The following DRICH1 variants were observed in gnomAD, a reference collection of about 807,000 sequenced individuals.
DRICH1 encodes aspartate rich 1.
In DRICH1, 38 loss-of-function variants were observed where a neutral mutation model predicts 39.5. That is an observed-to-expected ratio of 0.96 (90% CI 0.74 to 1.26). DRICH1 has a LOEUF of 1.26. Ranked by LOEUF, DRICH1 falls within the 50% of genes most tolerant of loss-of-function variation. DRICH1 has a pLI of 0.00. For synonymous variants in DRICH1, 84 were observed against 99.5 expected (o/e 0.84, Z 0.93); for missense variants, 279 against 270.4 (o/e 1.03, Z -0.22).
chr22:23,593,534 C>T, the DRICH1 span, among the ~76,000 whole-genome samples: 2 of 152,224 alleles, frequency 1.3e-5, no homozygotes, highest in Non-Finnish European at 1.5e-5. Context: ...GGCACAGTGG[C>T]TCACGCCTGT....
chr22:23,618,750 A>G (rs1465786378), intron 6 of DRICH1, among the ~76,000 whole-genome samples: 5 of 152,254 alleles, frequency 3.3e-5, no homozygotes, highest in African/African-American at 7.2e-5. Context: ...GAGGAAATGT[A>G]TATCAATAGA....
chr22:23,632,763 AT>A (rs1921038427), upstream of DRICH1: 1 of 151,992 alleles, frequency 6.6e-6, no homozygotes, highest in Admixed American at 6.6e-5. Context: ...AATACAAAAT[AT>A]TAGCTCGGCC....
chr22:23,631,711 G>A (rs1202453393), intron 1 of DRICH1, 105 bp downstream of exon 1: 5 of 940,168 alleles, frequency 5.3e-6, no homozygotes, highest in Non-Finnish European at 8.3e-6. Context: ...CTATGGACAG[G>A]AGGGAGCTGG....
downstream of DRICH1, among the ~76,000 whole-genome samples, chr22:23,604,666 G>A (rs1391841123): frequency 2.0e-5 from 3 of 152,098 alleles, no homozygotes; most frequent in African/African-American, 7.2e-5. Context: ...CCCTCACCAC[G>A]GCCACTGCAG....
chr22:23,616,379 C>T (rs150590728), intron 8 of DRICH1, among the ~76,000 whole-genome samples: 113 of 152,270 alleles, frequency 7.4e-4, no homozygotes, highest in Non-Finnish European at 1.3e-3. Context: ...TACTTCTCAC[C>T]ATGATGACAT....
chr22:23,622,367 C>A (rs1389952347), intron 3 of DRICH1, among the ~76,000 whole-genome samples, 191 bp from the exon 4 acceptor site: 2 of 152,158 alleles, frequency 1.3e-5, no homozygotes, highest in Admixed American at 1.3e-4. Flanking sequence ...ACATGGAGGC[C>A]TTGGCCTTGT....
At chr22:23,582,612 C>T in the DRICH1 span, among the ~76,000 whole-genome samples, 8 of 141,192 alleles carry the variant, frequency 5.7e-5, no homozygotes. Context: ...GCTGCCCAGG[C>T]TGAAGTGCAA....
chr22:23,589,220 G>A, the DRICH1 span, among the ~76,000 whole-genome samples: 1 of 152,084 alleles, frequency 6.6e-6, no homozygotes, highest in African/African-American at 2.4e-5. Context: ...GGAGGCCAAG[G>A]TGGGCAGATC....
chr22:23,605,609 T>TGCCCCTGCCTCCATTCCC (rs1342790376), downstream of DRICH1, among the ~76,000 whole-genome samples: 26 of 151,898 alleles, frequency 1.7e-4, no homozygotes, highest in South Asian at 8.3e-4. Context: ...GTGGACATCC[T>TGCCCCTGCCTCCATTCCC]GCCCCTGCCT....
chr22:23,598,493 G>A, the DRICH1 span, among the ~76,000 whole-genome samples: 840 of 151,292 alleles, frequency 5.6e-3, 1 homozygote, highest in African/African-American at 0.018. Context: ...CCGAGGTCAA[G>A]GGCTGCTGAG....
Position 23,616,369 on chromosome 22 carries a change from T to C in DRICH1, c.541+484A>G, listed in dbSNP as rs193129579. On this transcript the variant is annotated intron_variant, in intron 8 of 11. Transcript: ENST00000317749. ...GATACTCAAAAGCCCATAAACATAG[T>C]ACTTCTCACCATGATGACATTAAAC... Among the ~76,000 whole-genome samples, 3 of 152,320 alleles carry C rather than the reference T, an allele frequency of 2.0e-5. No homozygotes were observed. In the East Asian group the frequency reaches 5.8e-4, roughly 29 times the overall value.
chr22:23,602,951 C>G, the DRICH1 span, among the ~76,000 whole-genome samples: 1 of 151,884 alleles, frequency 6.6e-6, no homozygotes, highest in Non-Finnish European at 1.5e-5. Context: ...ATTTTACCTC[C>G]CCCTAACATT....
the DRICH1 span, among the ~76,000 whole-genome samples, chr22:23,592,741 C>T: frequency 0.016 from 2,462 of 152,098 alleles, 67 homozygotes; most frequent in African/African-American, 0.056. Context: ...CCTGTAATCC[C>T]AGCACTTTGG....
At chr22:23,630,140 C>A (rs539836268) in intron 1 of DRICH1, among the ~76,000 whole-genome samples, 2 of 152,154 alleles carry the variant, frequency 1.3e-5, no homozygotes, top group Non-Finnish European at 2.9e-5. Flanking sequence ...CCCATGCCAA[C>A]GTCTATTGTT....
the DRICH1 span, among the ~76,000 whole-genome samples, chr22:23,597,174 T>TCCTC: frequency 7.0e-6 from 1 of 142,850 alleles, no homozygotes; most frequent in East Asian, 2.0e-4. Flanking sequence ...CTTCTTTCCT[T>TCCTC]CCTCCCTCCC....
chr22:23,605,386 T>C (rs917953866), downstream of DRICH1, among the ~76,000 whole-genome samples: 21 of 152,188 alleles, frequency 1.4e-4, no homozygotes, highest in African/African-American at 5.1e-4. Context: ...AGGAGGTGAC[T>C]CTGGCTGAGG....
At chr22:23,590,191 T>C in the DRICH1 span, among the ~76,000 whole-genome samples, 2 of 152,180 alleles carry the variant, frequency 1.3e-5, no homozygotes, top group Non-Finnish European at 2.9e-5. Context: ...TGATGCCACA[T>C]AATGGCTTTC....
At chr22:23,598,620 CCCT>C in the DRICH1 span, among the ~76,000 whole-genome samples, 1 of 152,204 alleles carries the variant, frequency 6.6e-6, no homozygotes, top group Non-Finnish European at 1.5e-5. Context: ...CAGCTGCCCT[CCCT>C]CCTCCTAGCC....
Position 23,631,944 on chromosome 22 carries a change from T to A in DRICH1, c.80A>T (p.Asp27Val). 6.2e-7 allele frequency: 1 copy of A among 1,613,784 alleles called. No individual in the cohort carries two copies. Among genetic ancestry groups the A allele is most frequent in the African/African-American group, 1.3e-5 (1 of 75,016 alleles). The change falls in exon 1 of 12, where the codon GAT (aspartate) becomes GTT (valine). Residue 27 changes from aspartate to valine, a missense_variant. Asp to Val is a radical substitution (Grantham distance 152). Transcript: ENST00000317749. ...RGKDAPCYES[D>V]TDIYETVAAA... ...AGCCACAGTCTCATAAATATCAGTA[T>A]CAGATTCATAACAGGGTGCGTCCTT...
Sources: allele counts gnomAD v4.1 joint callset (sites outside exome capture counted in the v4.1 genomes callset), GRCh38; gene constraint gnomAD v4.1.1; transcripts MANE v1.5; gene names NCBI Gene and HGNC (gene_info 2026-07-23, HGNC 2026-07-21).